The following L1CAM variants were observed in gnomAD, a reference collection of about 807,000 sequenced individuals.
L1CAM encodes the protein neural cell adhesion molecule L1.
A neutral mutation model predicts 93.0 loss-of-function variants in L1CAM; 8 were observed. The observed-to-expected ratio is 0.09, with a 90% CI of 0.05 to 0.16. L1CAM has a LOEUF of 0.16. Ranked by LOEUF, L1CAM falls within the 10% of genes least tolerant of loss-of-function variation. L1CAM has a pLI of 1.00. For synonymous variants in L1CAM, 453 were observed against 453.0 expected, an observed-to-expected ratio of 1.00 and a Z score of 0.00; for missense variants, 777 against 1,073.4, an observed-to-expected ratio of 0.72 and a Z score of 3.86.
intron 1 of L1CAM, chrX:153,884,537 T>C: frequency 4.9e-6 from 1 of 203,093 alleles, no homozygotes; most frequent in Non-Finnish European, 9.3e-6. Context: ...TTCGGGATCA[T>C]ACACACACAA....
At chrX:153,885,482 G>C in intron 1 of L1CAM, 5 of 865,377 alleles carry the variant, frequency 5.8e-6, no homozygotes, top group Non-Finnish European at 7.6e-6. Flanking sequence ...GAAGAAGGAG[G>C]AGAACAAAGC....
Position 153,864,284 on chromosome X carries a change from C to T in L1CAM, c.3322+38G>A, listed in dbSNP as rs782528024. On this transcript the variant is annotated intron_variant, in intron 25 of 28. Transcript: ENST00000370060. Reference sequence around the variant, plus strand: ...GGACATGAATTGTGCAGCCCCCATGCTTCCCTGGCAGGTGATGGCGGGCCC... The same window carrying T: ...GGACATGAATTGTGCAGCCCCCATGTTTCCCTGGCAGGTGATGGCGGGCCC... 9 of 1,201,301 alleles carry T rather than the reference C, an allele frequency of 7.5e-6. 1 individual carries two copies. In the South Asian group the frequency reaches 1.6e-4, roughly 21 times the overall value.
rs2064675003 is a variant in L1CAM at position 153,862,810 on chromosome X, G to A, written c.3627C>T (p.Ala1209=). 3 of 1,211,944 alleles carry A rather than the reference G, an allele frequency of 2.5e-6. No individual in the cohort carries two copies. Among genetic ancestry groups the A allele is most frequent in the South Asian group, 1.8e-5 (1 of 57,027 alleles). ...IKPLGSDDSL[A]DYGGSVDVQF... is the part of the protein sequence containing the mutation. ...GAACATCCACGCTGCCCCCATAATCGGCCAGGCTGTCGTCACTGCCCAGGG... is the reference window on the plus strand; with the variant it reads ...GAACATCCACGCTGCCCCCATAATCAGCCAGGCTGTCGTCACTGCCCAGGG... Residue 1209 remains alanine (A), a synonymous_variant, in exon 29 of 29, where the codon GCC becomes GCT. Transcript: ENST00000370060.
intron 19 of L1CAM, 45 bp from the exon 20 acceptor site, chrX:153,865,864 C>A: frequency 2.2e-6 from 2 of 926,003 alleles, no homozygotes; most frequent in Non-Finnish European, 3.2e-6. Flanking sequence ...GCTCTCACCC[C>A]AGCCCTGAGG....
chrX:153,868,083 C>T lies in L1CAM; in HGVS notation c.1743G>A (p.Leu581=). The T allele has an allele frequency of 8.3e-7, 1 of 1,210,973 alleles. No homozygotes were observed. Among genetic ancestry groups the T allele is most frequent in the Admixed American group, 2.2e-5 (1 of 46,042 alleles). The change falls in exon 15 of 29, where the codon CTG becomes CTA. Residue 581 remains leucine (L), a synonymous_variant. Coordinates refer to ENST00000370060, the MANE Select transcript of L1CAM (RefSeq NM_001278116.2). ...TGTAGTTGCCCTGGTCGCTGTAGTC[C>T]AGGCTGTGGATGACCAGGCGCCCAT... ...IEDGRLVIHS[L]DYSDQGNYSC...
rs2064661154 is a variant in L1CAM, at chrX:153,861,592, G to C, written c.*1071C>G. 1 of 111,626 alleles carries C rather than the reference G, an allele frequency of 9.0e-6. No individual in the cohort carries two copies. Among genetic ancestry groups the C allele is most frequent in the South Asian group, 3.7e-4 (1 of 2,698 alleles). 9.2% of individuals were successfully genotyped at this position (111,626 alleles called of 1,213,427 possible). ...ATATATATACTTTTGTTTTTTTGTA[G>C]AGGGCTTATCAGTAGACCAAGCACA... is the stretch of plus-strand genomic sequence containing the variant. On this transcript the variant is annotated 3_prime_UTR_variant, in exon 29 of 29. Coordinates refer to ENST00000370060, the MANE Select transcript of L1CAM (RefSeq NM_001278116.2).
intron 19 of L1CAM, 87 bp downstream of exon 19, chrX:153,866,562 G>T: frequency 1.6e-6 from 1 of 642,707 alleles, no homozygotes; most frequent in Non-Finnish European, 2.5e-6. Context: ...TAGGAAAGGC[G>T]CACACCAATG....
intron 1 of L1CAM, among the ~76,000 whole-genome samples, chrX:153,879,326 A>G (rs1557095240): frequency 9.2e-6 from 1 of 108,420 alleles, no homozygotes; most frequent in Non-Finnish European, 1.9e-5. Flanking sequence ...GCAGCAGAGA[A>G]AGGGAGAGAA....
At position 153,873,216 on chromosome X, in the gene L1CAM, T is replaced by G. The variant is rs1557093743; in HGVS notation, c.91+12A>C. On this transcript the variant is annotated intron_variant, in intron 3 of 28. Transcript: ENST00000370060. ...GCCTTCTGGGAAACACTCTCACCCC[T>G]CCCCAACTTACCATGGTGTCCTTCA... is the stretch of plus-strand genomic sequence containing the variant. 8.3e-7 allele frequency: 1 copy of G among 1,209,302 alleles called. No homozygotes were observed. The highest frequency in any genetic ancestry group is 2.2e-5 in the Admixed American group (1 of 46,056).
At chrX:153,877,211 A>G (rs1294970665) in intron 1 of L1CAM, among the ~76,000 whole-genome samples, 1 of 97,134 alleles carries the variant, frequency 1.0e-5, no homozygotes, top group Non-Finnish European at 2.0e-5. Context: ...TGGGAGGCTG[A>G]GGCAGGCGGA....
intron 1 of L1CAM, chrX:153,885,375 C>A: frequency 1.0e-6 from 1 of 982,109 alleles, no homozygotes; most frequent in Non-Finnish European, 1.3e-6. Flanking sequence ...CCTGTGGAAA[C>A]GGGCTCCAGA....
At position 153,868,629 on chromosome X, in the gene L1CAM, C is replaced by T; in HGVS notation, c.1478G>A (p.Gly493Glu). The stretch of plus-strand genomic sequence containing the variant: ...ATTGGCAGCCAGGCAGAAGTAGCGT[C>T]CGGTGTCATTGGCCTGGAGGTCTCG... ...GIRDLQANDT[G>E]RYFCLAANDQ... is the part of the protein sequence containing the mutation. Residue 493 changes from glycine to glutamate, a missense_variant, in exon 13 of 29, where the codon GGA becomes GAA. Gly to Glu is a moderately conservative substitution (Grantham distance 98). Coordinates refer to ENST00000370060, the MANE Select transcript of L1CAM (RefSeq NM_001278116.2). 8.3e-7 allele frequency: 1 copy of T among 1,211,979 alleles called. No homozygotes were observed. The highest frequency in any genetic ancestry group is 1.1e-6 in the Non-Finnish European group (1 of 895,446).
intron 2 of L1CAM, among the ~76,000 whole-genome samples, chrX:153,873,508 G>A (rs781987150): frequency 3.6e-5 from 4 of 112,357 alleles, no homozygotes; most frequent in African/African-American, 9.7e-5. Flanking sequence ...GTAGCCCAGA[G>A]GCAGCCAGGC....
chrX:153,861,613 G>A lies in L1CAM; in HGVS notation c.*1050C>T, dbSNP rs1253652284. On this transcript the variant is annotated 3_prime_UTR_variant, in exon 29 of 29. Coordinates refer to ENST00000370060, the MANE Select transcript of L1CAM (RefSeq NM_001278116.2). The stretch of plus-strand genomic sequence containing the variant: ...TGTAGAGGGCTTATCAGTAGACCAA[G>A]CACAGGCATACAGGGAGGCTGTGGC... 1 of 111,587 alleles carries A rather than the reference G, an allele frequency of 9.0e-6. No individual in the cohort carries two copies. The highest frequency in any genetic ancestry group is 3.3e-5 in the African/African-American group (1 of 30,703). 9.2% of individuals were successfully genotyped at this position (111,587 alleles called of 1,213,427 possible).
chrX:153,865,341 A>G lies in L1CAM; in HGVS notation c.2707T>C (p.Ser903Pro). 8.3e-7 allele frequency: 1 copy of G among 1,210,569 alleles called. No homozygotes were observed. Among genetic ancestry groups the G allele is most frequent in the South Asian group, 1.8e-5 (1 of 56,972 alleles). Residue 903 changes from serine (S) to proline (P), a missense_variant, in exon 21 of 29, where the codon TCG becomes CCG. By Grantham distance (74) the Ser-to-Pro change is moderately conservative. Transcript: ENST00000370060. ...LEVQAFNGRG[S>P]GPASEFTFST... ...AAGGTGAACTCGCTGGCGGGCCCCG[A>G]TCCTCGCCCGTTAAAGGCCTGCACC...
At position 153,864,929 on chromosome X, in the gene L1CAM, G is replaced by T. The variant is rs1274129084; in HGVS notation, c.2938C>A (p.Leu980Met). ...CGCAGGTGGGGGCTGAGATCGGTCAGGTTGTGTGTCCGAAGTTCGGGGTCC... is the reference window on the plus strand; with the variant it reads ...CGCAGGTGGGGGCTGAGATCGGTCATGTTGTGTGTCCGAAGTTCGGGGTCC... ...LRDPELRTHNLTDLSPHLRYR... is the reference protein window; with the variant it reads ...LRDPELRTHNMTDLSPHLRYR... The change falls in exon 23 of 29, where the codon CTG (leucine) becomes ATG (methionine). Residue 980 changes from leucine (L) to methionine (M), a missense_variant. This residue lies in a region of L1CAM where 71 missense variants were observed against 77.4 expected (regional missense o/e 0.92). Transcript: ENST00000370060. 1 of 1,211,081 alleles carries T rather than the reference G, an allele frequency of 8.3e-7. No homozygotes were observed. The highest frequency in any genetic ancestry group is 1.7e-5 in the African/African-American group (1 of 57,510).
chrX:153,885,724 A>G (rs2064875256), intron 1 of L1CAM: 1 of 427,733 alleles, frequency 2.3e-6, no homozygotes, highest in African/African-American at 2.7e-5. Flanking sequence ...AGACACGCAC[A>G]CACGCACGGG....
chrX:153,869,838 T>C lies in L1CAM; in HGVS notation c.1088A>G (p.Glu363Gly), dbSNP rs201895576. 8.3e-7 allele frequency: 1 copy of C among 1,210,886 alleles called. No homozygotes were observed. The highest frequency in any genetic ancestry group is 2.3e-4 in the Middle Eastern group (1 of 4,356). Residue 363 changes from glutamate to glycine, a missense_variant, in exon 10 of 29, where the codon GAG (glutamate) becomes GGG (glycine). Glu to Gly is a moderately conservative substitution (Grantham distance 98). Coordinates refer to ENST00000370060, the MANE Select transcript of L1CAM (RefSeq NM_001278116.2). The part of the protein sequence containing the change: ...DCQVQGRPQP[E>G]VTWRINGIPV... ...GATCCCGTTGATTCTCCAGGTGACC[T>C]CTGGTTGGGGCCTGCCCTGGACTTG...
chrX:153,876,009 G>GT, intron 1 of L1CAM, 65 bp from the exon 2 acceptor site: 1 of 493,404 alleles, frequency 2.0e-6, no homozygotes, highest in Non-Finnish European at 3.6e-6. Flanking sequence ...AAGGACGTTA[G>GT]TGACTAACAT....
Sources: allele counts gnomAD v4.1 joint callset (sites outside exome capture counted in the v4.1 genomes callset), GRCh38; gene constraint gnomAD v4.1.1; regional missense constraint gnomAD v4.1.1; transcripts MANE v1.5; gene names NCBI Gene and HGNC (gene_info 2026-07-23, HGNC 2026-07-21).